Variants in XPO4 observed in about 807,000 individuals in gnomAD.
The protein encoded by XPO4 is exportin-4.
A neutral mutation model predicts 143.0 loss-of-function variants in XPO4; 39 were observed. The observed-to-expected ratio is 0.27, with a 90% confidence interval of 0.21 to 0.36. XPO4 has a LOEUF of 0.36. Among genes scored for constraint, XPO4 ranks in the 10% least tolerant of loss-of-function variants. XPO4 has a pLI of 1.00. For synonymous variants in XPO4, 439 were observed against 474.0 expected (o/e 0.93, Z 0.96); for missense variants, 907 against 1,348.0 (o/e 0.67, Z 5.12).
intron 7 of XPO4, among the ~76,000 whole-genome samples, chr13:20,822,564 C>T (rs933134918): frequency 3.9e-5 from 6 of 152,158 alleles, no homozygotes; most frequent in African/African-American, 1.4e-4. Flanking sequence ...GAAACAGATG[C>T]CAGCCAGTCA....
intron 1 of XPO4, 112 bp downstream of exon 1, chr13:20,902,558 G>C: frequency 2.3e-6 from 3 of 1,332,934 alleles, no homozygotes; most frequent in Non-Finnish European, 2.9e-6. Context: ...TCCACTTCCA[G>C]GCTCCCTGCA....
chr13:20,820,942 A>C (rs2059712197), intron 9 of XPO4, among the ~76,000 whole-genome samples: 1 of 152,242 alleles, frequency 6.6e-6, no homozygotes, highest in Non-Finnish European at 1.5e-5. Context: ...TGACTCATAA[A>C]AAGAAAAATT....
chr13:20,843,049 CTA>C lies in XPO4; in HGVS notation c.574-3_574-2del. The C allele has an allele frequency of 1.2e-6, 2 of 1,602,194 alleles. No individual in the cohort carries two copies. The highest frequency in any genetic ancestry group is 1.7e-6 in the Non-Finnish European group (2 of 1,174,134). ...TGAAGATCTGACGAAGGTCTTCTTCCTATAGTCAATAAATCACAAATATTTTA... is the reference window on the plus strand; with the variant it reads ...TGAAGATCTGACGAAGGTCTTCTTCCTAGTCAATAAATCACAAATATTTTA... On this transcript the variant is annotated splice_acceptor_variant and splice_polypyrimidine_tract_variant and intron_variant, in intron 5 of 22. Transcript: ENST00000255305. LOFTEE classifies it high-confidence loss of function.
intron 1 of XPO4, among the ~76,000 whole-genome samples, chr13:20,868,953 A>G (rs1005254875): frequency 3.3e-5 from 5 of 152,170 alleles, no homozygotes; most frequent in African/African-American, 1.2e-4. Flanking sequence ...AAAAACCTGC[A>G]TTTTAGAAAA....
chr13:20,821,808 G>A lies in XPO4; in HGVS notation c.1069C>T (p.Arg357Ter). 6.2e-7 allele frequency: 1 copy of A among 1,614,084 alleles called. No individual in the cohort carries two copies. The highest frequency in any genetic ancestry group is 8.5e-7 in the Non-Finnish European group (1 of 1,179,964). The change falls in exon 9 of 23, where the codon CGA (arginine) becomes TGA (stop). Residue 357 changes from arginine (R) to a stop codon, truncating the protein, a stop_gained. Transcript: ENST00000255305. LOFTEE classifies it high-confidence loss of function. The part of the protein sequence containing the change: ...IISNLITVFP[R>*]NVLTAIPSEL... ...CTTGGAATGGCAGTTAAAACATTTCGTGGGAACACGGTTATCAGGTTGCTG... is the reference window on the plus strand; with the variant it reads ...CTTGGAATGGCAGTTAAAACATTTCATGGGAACACGGTTATCAGGTTGCTG...
intron 1 of XPO4, 48 bp downstream of exon 1, chr13:20,902,622 G>A: frequency 1.3e-6 from 2 of 1,506,292 alleles, no homozygotes; most frequent in Non-Finnish European, 8.9e-7. Flanking sequence ...TGGCAGGGCC[G>A]ACCGGGGGCC....
intron 1 of XPO4, among the ~76,000 whole-genome samples, chr13:20,874,945 G>C (rs1161826797): frequency 6.6e-6 from 1 of 152,080 alleles, no homozygotes; most frequent in African/African-American, 2.4e-5. Context: ...AGTGAGCCAA[G>C]ATCGCAGCAC....
chr13:20,881,692 A>G (rs779006706), intron 1 of XPO4, among the ~76,000 whole-genome samples: 17 of 152,214 alleles, frequency 1.1e-4, no homozygotes, highest in Non-Finnish European at 1.6e-4. Context: ...AGTACACACA[A>G]TCACATATCA....
intron 3 of XPO4, among the ~76,000 whole-genome samples, chr13:20,857,479 G>A (rs893392918): frequency 2.4e-4 from 36 of 151,988 alleles, no homozygotes; most frequent in African/African-American, 8.2e-4. Context: ...TGTAATCCCA[G>A]CACTTTGGGA....
Position 20,843,914 on chromosome 13 carries a change from T to G in XPO4, c.457-28A>C, listed in dbSNP as rs760248192. Reference sequence around the variant, plus strand: ...GTAATTATTTGATAAGAAATAATTGTGAGGCATTACTGTTTCAACGCTTTG... The same window carrying G: ...GTAATTATTTGATAAGAAATAATTGGGAGGCATTACTGTTTCAACGCTTTG... On this transcript the variant is annotated intron_variant, in intron 4 of 22. Coordinates refer to ENST00000255305, the MANE Select transcript of XPO4 (RefSeq NM_022459.5). 8 of 1,515,798 alleles carry G rather than the reference T, an allele frequency of 5.3e-6. No individual in the cohort carries two copies. In the Admixed American group the frequency reaches 1.0e-4, roughly 19 times the overall value. 93.9% of individuals were successfully genotyped at this position (1,515,798 alleles called of 1,614,324 possible).
At chr13:20,870,104 A>AAAGAATTG (rs1555341419) in intron 1 of XPO4, among the ~76,000 whole-genome samples, 11 of 149,672 alleles carry the variant, frequency 7.3e-5, no homozygotes, top group African/African-American at 2.5e-4. Context: ...AAAAAAAAAA[A>AAAGAATTG]AAAGAATTGT....
chr13:20,853,900 A>G lies in XPO4; in HGVS notation c.456+1727T>C, dbSNP rs61954194. Reference sequence around the variant, plus strand: ...CATAGAACACTTCTTTCAACACAGTAAGTTCTACTGGACAGCACTACTCTT... The same window carrying G: ...CATAGAACACTTCTTTCAACACAGTGAGTTCTACTGGACAGCACTACTCTT... On this transcript the variant is annotated intron_variant, in intron 4 of 22. Coordinates refer to ENST00000255305, the MANE Select transcript of XPO4 (RefSeq NM_022459.5). Among the ~76,000 whole-genome samples the G allele has an allele frequency of 2.0e-3, 306 of 152,352 alleles. 1 individual carries two copies. Among genetic ancestry groups the G allele is most frequent in the South Asian group, 7.5e-3 (36 of 4,830 alleles).
chr13:20,840,652 C>T (rs1389398664), intron 6 of XPO4, among the ~76,000 whole-genome samples: 1 of 151,702 alleles, frequency 6.6e-6, no homozygotes, highest in Admixed American at 6.6e-5. Context: ...AGGTAATTTC[C>T]AAAATTAGAA....
At chr13:20,818,258 C>T (rs1381024931) in intron 9 of XPO4, among the ~76,000 whole-genome samples, 1 of 152,004 alleles carries the variant, frequency 6.6e-6, no homozygotes, top group Non-Finnish European at 1.5e-5. Flanking sequence ...GGCTGAATAC[C>T]AGAATTGCTC....
At chr13:20,798,378 T>C (rs1330737368) in intron 16 of XPO4, among the ~76,000 whole-genome samples, 3 of 152,112 alleles carry the variant, frequency 2.0e-5, no homozygotes, top group African/African-American at 7.2e-5. Flanking sequence ...CCTCATAGCC[T>C]TCAGAAAGAA....
At chr13:20,889,347 A>G (rs2060490724) in intron 1 of XPO4, among the ~76,000 whole-genome samples, 1 of 152,174 alleles carries the variant, frequency 6.6e-6, no homozygotes, top group African/African-American at 2.4e-5. Context: ...AAAATGGATC[A>G]CGTAAGTGTC....
intron 3 of XPO4, among the ~76,000 whole-genome samples, chr13:20,860,710 G>C (rs1414743121): frequency 1.3e-5 from 2 of 152,028 alleles, no homozygotes; most frequent in Admixed American, 1.3e-4. Flanking sequence ...CATCCAAATG[G>C]ACCCACCAAA....
At chr13:20,888,288 TTAC>T (rs1290851717) in intron 1 of XPO4, among the ~76,000 whole-genome samples, 2 of 152,184 alleles carry the variant, frequency 1.3e-5, no homozygotes, top group Non-Finnish European at 2.9e-5. Flanking sequence ...TCAATTTTTT[TTAC>T]TACATTGCCC....
intron 1 of XPO4, among the ~76,000 whole-genome samples, chr13:20,888,896 G>A (rs183937351): frequency 2.6e-5 from 4 of 151,710 alleles, no homozygotes; most frequent in South Asian, 4.2e-4. Context: ...TCCACCTCCC[G>A]GGTTCAAGTG....
Sources: allele counts gnomAD v4.1 joint callset (sites outside exome capture counted in the v4.1 genomes callset), GRCh38; gene constraint gnomAD v4.1.1; transcripts MANE v1.5; gene names NCBI Gene and HGNC (gene_info 2026-07-23, HGNC 2026-07-21).